Variants in CENPA observed in about 807,000 individuals in gnomAD.
CENPA encodes centromere protein A, also known as histone H3-like centromeric protein A.
CENPA carries 7 observed loss-of-function variants against 17.2 expected under a neutral mutation model. That is an observed-to-expected ratio of 0.41 (90% CI 0.23 to 0.76). CENPA has a LOEUF of 0.76. Ranked by LOEUF, CENPA falls within the 30% of genes least tolerant of loss-of-function variation. The pLI is 0.34. For missense variants in CENPA, 149 were observed against 193.1 expected, an observed-to-expected ratio of 0.77 and a Z score of 1.35; for synonymous variants, 82 against 77.4, an observed-to-expected ratio of 1.06 and a Z score of -0.31.
intron 1 of CENPA, among the ~76,000 whole-genome samples, chr2:26,791,776 T>C (rs542631713): frequency 1.3e-5 from 2 of 152,218 alleles, no homozygotes; most frequent in Admixed American, 1.3e-4. Context: ...CGGTCACCCA[T>C]CTGTTTGGAA....
intron 1 of CENPA, among the ~76,000 whole-genome samples, chr2:26,790,750 T>C (rs11692689): frequency 0.28 from 42,057 of 152,060 alleles, 6,369 homozygotes; most frequent in Non-Finnish European, 0.34. Flanking sequence ...TTATCAGTCT[T>C]CTGGACACTG....
At chr2:26,787,171 G>A (rs946420557) in intron 1 of CENPA, among the ~76,000 whole-genome samples, 1 of 152,226 alleles carries the variant, frequency 6.6e-6, no homozygotes, top group East Asian at 1.9e-4. Context: ...CTCCCAAAGT[G>A]CTGGGATTGC....
chr2:26,787,928 A>T (rs1030177948), intron 1 of CENPA, among the ~76,000 whole-genome samples: 1 of 152,144 alleles, frequency 6.6e-6, no homozygotes, highest in Non-Finnish European at 1.5e-5. Context: ...TTTCATTTCT[A>T]CACATTTTAT....
At chr2:26,787,581 C>G (rs1018695025) in intron 1 of CENPA, among the ~76,000 whole-genome samples, 1 of 150,958 alleles carries the variant, frequency 6.6e-6, no homozygotes, top group South Asian at 2.1e-4. Flanking sequence ...AGTGATGCCA[C>G]GAGGGTTCAC....
chr2:26,789,820 G>T (rs558158249), intron 1 of CENPA, among the ~76,000 whole-genome samples: 1 of 138,166 alleles, frequency 7.2e-6, no homozygotes, highest in African/African-American at 2.5e-5. Context: ...CAAGCTACCA[G>T]CAGCTCTCGA....
At chr2:26,787,093 A>G (rs1482862698) in intron 1 of CENPA, among the ~76,000 whole-genome samples, 1 of 152,196 alleles carries the variant, frequency 6.6e-6, no homozygotes, top group African/African-American at 2.4e-5. Flanking sequence ...TTTTGTAGAG[A>G]CTGGGTCTCC....
chr2:26,793,012 A>C, intron 3 of CENPA, 133 bp from the exon 4 acceptor site: 1 of 1,360,034 alleles, frequency 7.4e-7, no homozygotes, highest in Non-Finnish European at 1.0e-6. Flanking sequence ...ATTCCCTGGC[A>C]AAGTTCAGTC....
At chr2:26,789,084 T>C (rs972745495) in intron 1 of CENPA, among the ~76,000 whole-genome samples, 3 of 152,188 alleles carry the variant, frequency 2.0e-5, no homozygotes, top group Non-Finnish European at 4.4e-5. Flanking sequence ...CCTTTTAAAA[T>C]AGCCAGACTT....
Position 26,793,281 on chromosome 2 carries a change from C to T in CENPA, c.*2C>T. On this transcript the variant is annotated 3_prime_UTR_variant, in exon 4 of 5. Transcript: ENST00000335756. The stretch of plus-strand genomic sequence containing the variant: ...GGCCTTGAGGAGGGACTCGGCTGAG[C>T]TCCTGCACCCAGTGTTTCTGTCAGT... 1 of 1,613,708 alleles carries T rather than the reference C, an allele frequency of 6.2e-7. No homozygotes were observed.
chr2:26,786,990 T>C (rs535432201), intron 1 of CENPA, among the ~76,000 whole-genome samples: 1 of 152,362 alleles, frequency 6.6e-6, no homozygotes, highest in Admixed American at 6.5e-5. Context: ...GTATGGTACA[T>C]GGTGGCAACA....
At position 26,792,743 on chromosome 2, in the gene CENPA, C is replaced by G. The variant is rs767360890; in HGVS notation, c.211-13C>G. 7.2e-7 allele frequency: 1 copy of G among 1,391,782 alleles called. No individual in the cohort carries two copies. The highest frequency in any genetic ancestry group is 1.9e-5 in the Admixed American group (1 of 52,524). The allele number at this position is 1,391,782 out of a possible 1,614,324, so 86.2% of individuals were successfully genotyped here. A position where few individuals can be genotyped will look rare whatever the true frequency, so the allele number is the denominator to read the frequency against. ...CCCTACTCCTACTCCTCCCCTTCCC[C>G]ACTCCTTCACAGGCAAGAGAAATAT... On this transcript the variant is annotated splice_polypyrimidine_tract_variant and intron_variant, in intron 2 of 4. Transcript: ENST00000335756.
chr2:26,786,869 T>C (rs1664517072), intron 1 of CENPA, among the ~76,000 whole-genome samples: 1 of 152,130 alleles, frequency 6.6e-6, no homozygotes, highest in Admixed American at 6.5e-5. Context: ...CGCTGCTCAC[T>C]CTGTTGCCTT....
At chr2:26,790,581 C>G (rs996719124) in intron 1 of CENPA, among the ~76,000 whole-genome samples, 15 of 152,266 alleles carry the variant, frequency 9.9e-5, no homozygotes, top group African/African-American at 3.4e-4. Flanking sequence ...CCACCTTGGC[C>G]TCCCAAAGTG....
At chr2:26,793,392 T>C in intron 4 of CENPA, 66 bp downstream of exon 4, 1 of 1,384,866 alleles carries the variant, frequency 7.2e-7, no homozygotes, top group Non-Finnish European at 9.8e-7. Flanking sequence ...TCTCCATCCA[T>C]AGTCCCTTGT....
At chr2:26,792,349 T>C (rs1300874336) in intron 2 of CENPA, 109 bp downstream of exon 2, 1 of 784,364 alleles carries the variant, frequency 1.3e-6, no homozygotes. Context: ...AGGGACCTCT[T>C]TTGTAACCTG....
chr2:26,791,147 C>A (rs1664607592), intron 1 of CENPA, among the ~76,000 whole-genome samples: 1 of 152,136 alleles, frequency 6.6e-6, no homozygotes, highest in African/African-American at 2.4e-5. Context: ...TTTTGGTTTA[C>A]TTTAATAACT....
At chr2:26,790,992 A>G (rs1377626369) in intron 1 of CENPA, among the ~76,000 whole-genome samples, 2 of 152,324 alleles carry the variant, frequency 1.3e-5, no homozygotes, top group Non-Finnish European at 2.9e-5. Context: ...ATCCGTCAAC[A>G]TGTTATTTTT....
intron 1 of CENPA, among the ~76,000 whole-genome samples, chr2:26,788,026 A>G (rs1327522306): frequency 3.9e-5 from 6 of 152,214 alleles, no homozygotes. Context: ...TTTAACAGGA[A>G]TATTAAGTAT....
chr2:26,788,615 G>C (rs1664557607), intron 1 of CENPA, among the ~76,000 whole-genome samples: 1 of 152,134 alleles, frequency 6.6e-6, no homozygotes, highest in Non-Finnish European at 1.5e-5. Context: ...GATAAATCCA[G>C]ACACTTCACA....
Sources: gnomAD v4.1 joint callset for allele counts (sites outside exome capture counted in the v4.1 genomes callset) on GRCh38, gnomAD v4.1.1 for gene constraint, MANE v1.5 for transcripts, NCBI Gene and HGNC (gene_info 2026-07-23, HGNC 2026-07-21) for gene names.